GIMAP7: variants seen among roughly 807,000 people sequenced by gnomAD.
GIMAP7 encodes GTPase, IMAP family member 7.
For synonymous variants in GIMAP7, 137 were observed against 129.3 expected (o/e 1.06, Z -0.40); for missense variants, 323 against 359.7 (o/e 0.90, Z 0.83).
In GIMAP7 at chr7:150,520,536, C is replaced by G; in HGVS notation, c.562C>G (p.Leu188Val). ...AAGTCAAGTGCAGGAGTTGGTGGAG[C>G]TGATAGAGAAAATGGTGCAGTGCAA... is the stretch of plus-strand genomic sequence containing the variant. ...KESQVQELVE[L>V]IEKMVQCNEG... The change falls in exon 2 of 2, where the codon CTG (leucine) becomes GTG (valine). Residue 188 changes from leucine (L) to valine (V), a missense_variant. Transcript: ENST00000313543. 6.2e-7 allele frequency: 1 copy of G among 1,614,078 alleles called. No individual in the cohort carries two copies. The highest frequency in any genetic ancestry group is 8.5e-7 in the Non-Finnish European group (1 of 1,180,016).
At chr7:150,516,915 C>T (rs530263617) in intron 1 of GIMAP7, among the ~76,000 whole-genome samples, 2 of 152,138 alleles carry the variant, frequency 1.3e-5, no homozygotes, top group Non-Finnish European at 2.9e-5. Flanking sequence ...TTAGAAGGCA[C>T]ATATGTTTGA....
chr7:150,518,663 A>C (rs117147620), intron 1 of GIMAP7, among the ~76,000 whole-genome samples: 1 of 152,182 alleles, frequency 6.6e-6, no homozygotes, highest in Non-Finnish European at 1.5e-5. Flanking sequence ...TAATTTGCCT[A>C]TGGTGTTGTA....
rs780968705 is a variant in GIMAP7, at chr7:150,520,583, T to C, written c.609T>C (p.Asp203=). The C allele has an allele frequency of 1.2e-6, 2 of 1,613,968 alleles. No homozygotes were observed. Among genetic ancestry groups the C allele is most frequent in the South Asian group, 1.1e-5 (1 of 91,086 alleles). The change falls in exon 2 of 2, where the codon GAT becomes GAC. Residue 203 remains aspartate (D), a synonymous_variant. Transcript: ENST00000313543. ...GCAACGAAGGGGCTTACTTTTCTGA[T>C]GACATATACAAGGACACAGAGGAAA... ...VQCNEGAYFS[D]DIYKDTEERL... is the part of the protein sequence containing the mutation.
At chr7:150,518,224 A>T (rs1322491526) in intron 1 of GIMAP7, among the ~76,000 whole-genome samples, 1 of 152,148 alleles carries the variant, frequency 6.6e-6, no homozygotes, top group Non-Finnish European at 1.5e-5. Context: ...TGATAATCAA[A>T]GAGTAAATGC....
chr7:150,518,028 T>G (rs187595493), intron 1 of GIMAP7, among the ~76,000 whole-genome samples: 318 of 152,260 alleles, frequency 2.1e-3, no homozygotes, highest in Admixed American at 4.1e-3. Flanking sequence ...TTTTTTTCAC[T>G]TAGCAGTATA....
Position 150,519,922 on chromosome 7 carries a change from C to A in GIMAP7, c.-41-12C>A. 1.3e-6 allele frequency: 2 copies of A among 1,529,404 alleles called. No individual in the cohort carries two copies. The highest frequency in any genetic ancestry group is 1.2e-5 in the South Asian group (1 of 81,542). 94.7% of individuals were successfully genotyped at this position (1,529,404 alleles called of 1,614,324 possible). On this transcript the variant is annotated splice_polypyrimidine_tract_variant and intron_variant, in intron 1 of 1. Transcript: ENST00000313543. ...AAACTGGCTTTTTTTCCCCTATCTTCCCCTCCTTAAGGTCTTGTACGTGCC... is the reference window on the plus strand; with the variant it reads ...AAACTGGCTTTTTTTCCCCTATCTTACCCTCCTTAAGGTCTTGTACGTGCC...
chr7:150,520,756 TAAA>T lies in GIMAP7; in HGVS notation c.786_788del (p.Lys262del). ...CTAAAATTAAAATATGATGAAAAAA[TAAA>T]AAATATAAGGGAAGAAGCTGAGAGA... On this transcript the variant is annotated inframe_deletion, in exon 2 of 2. Coordinates refer to ENST00000313543, the MANE Select transcript of GIMAP7 (RefSeq NM_153236.4). 6.7e-7 allele frequency: 1 copy of T among 1,500,968 alleles called. No individual in the cohort carries two copies. Among genetic ancestry groups the T allele is most frequent in the Admixed American group, 1.9e-5 (1 of 52,050 alleles). 93.0% of individuals were successfully genotyped at this position (1,500,968 alleles called of 1,614,324 possible).
rs1399545132 is a variant in GIMAP7 at position 150,520,052 on chromosome 7, C to T, written c.78C>T (p.Asn26=). ...KTGSGKSATA[N]TILGEEIFDS... Reference sequence around the variant, plus strand: ...GAAGTGGGAAAAGTGCAACAGCGAACACCATCCTTGGAGAGGAAATCTTTG... The same window carrying T: ...GAAGTGGGAAAAGTGCAACAGCGAATACCATCCTTGGAGAGGAAATCTTTG... The change falls in exon 2 of 2, where the codon AAC becomes AAT. Residue 26 remains asparagine, a synonymous_variant. Transcript: ENST00000313543. 6.2e-7 allele frequency: 1 copy of T among 1,614,148 alleles called. No individual in the cohort carries two copies. The highest frequency in any genetic ancestry group is 8.5e-7 in the Non-Finnish European group (1 of 1,180,002).
chr7:150,520,024 C>G lies in GIMAP7; in HGVS notation c.50C>G (p.Thr17Ser), dbSNP rs142322540. The change falls in exon 2 of 2, where the codon ACT becomes AGT. Residue 17 changes from threonine to serine, a missense_variant. Coordinates refer to ENST00000313543, the MANE Select transcript of GIMAP7 (RefSeq NM_153236.4). ...RSLRIVLVGK[T>S]GSGKSATANT... is the part of the protein sequence containing the mutation. ...CTGAGGATCGTTCTGGTAGGGAAAA[C>G]TGGAAGTGGGAAAAGTGCAACAGCG... 1.5e-5 allele frequency: 25 copies of G among 1,613,946 alleles called. No individual in the cohort carries two copies. The African/African-American group carries it at 2.9e-4, about 19-fold the overall frequency.
intron 1 of GIMAP7, among the ~76,000 whole-genome samples, chr7:150,516,129 A>G (rs1297748839): frequency 6.6e-6 from 1 of 152,222 alleles, no homozygotes; most frequent in African/African-American, 2.4e-5. Flanking sequence ...TCATTTAAAA[A>G]ATTAGAATAA....
chr7:150,519,472 T>C (rs1263316615), intron 1 of GIMAP7, among the ~76,000 whole-genome samples: 1 of 152,156 alleles, frequency 6.6e-6, no homozygotes, highest in Non-Finnish European at 1.5e-5. Flanking sequence ...TCACACTTAA[T>C]CACAGTCTAT....
At position 150,520,067 on chromosome 7, in the gene GIMAP7, G is replaced by A. The variant is rs755269572; in HGVS notation, c.93G>A (p.Glu31=). Residue 31 remains glutamate (E), a synonymous_variant, in exon 2 of 2, where the codon GAG becomes GAA. Coordinates refer to ENST00000313543, the MANE Select transcript of GIMAP7 (RefSeq NM_153236.4). ...KSATANTILG[E]EIFDSRIAAQ... is the part of the protein sequence containing the mutation. ...CAACAGCGAACACCATCCTTGGAGA[G>A]GAAATCTTTGATTCTAGAATTGCTG... 28 of 1,613,992 alleles carry A rather than the reference G, an allele frequency of 1.7e-5. No homozygotes were observed. Among genetic ancestry groups the A allele is most frequent in the Non-Finnish European group, 1.4e-5 (17 of 1,180,038 alleles).
chr7:150,517,583 TACACACACACACACATAC>T, intron 1 of GIMAP7, among the ~76,000 whole-genome samples: 1 of 149,716 alleles, frequency 6.7e-6, no homozygotes, highest in South Asian at 2.1e-4. Flanking sequence ...TTCAAAACAG[TACACACACACACACATAC>T]ACACACACAC....
intron 1 of GIMAP7, among the ~76,000 whole-genome samples, chr7:150,517,438 C>T (rs1455774718): frequency 6.6e-6 from 1 of 152,074 alleles, no homozygotes; most frequent in Non-Finnish European, 1.5e-5. Context: ...GTTTACTGGC[C>T]CAGACCTGGA....
At chr7:150,519,745 C>G (rs1224025728) in intron 1 of GIMAP7, among the ~76,000 whole-genome samples, 189 bp from the exon 2 acceptor site, 1 of 152,156 alleles carries the variant, frequency 6.6e-6, no homozygotes, top group Admixed American at 6.5e-5. Context: ...TGTGGGGAAA[C>G]TCTTTAACTG....
chr7:150,515,669 T>C (rs1030266322), intron 1 of GIMAP7, among the ~76,000 whole-genome samples: 1 of 152,194 alleles, frequency 6.6e-6, no homozygotes, highest in African/African-American at 2.4e-5. Flanking sequence ...GTAAATGCTT[T>C]TGTCATTTCT....
rs141641243 is a variant in GIMAP7 at position 150,520,369 on chromosome 7, C to G, written c.395C>G (p.Thr132Ser). The G allele has an allele frequency of 5.0e-6, 8 of 1,614,210 alleles. No homozygotes were observed. In the African/African-American group the frequency reaches 9.3e-5, roughly 19 times the overall value. ...SAMKHMVILF[T>S]RKEELEGQSF... is the part of the protein sequence containing the mutation. ...ATGAAGCACATGGTCATCTTGTTCA[C>G]TCGCAAAGAAGAGTTGGAGGGCCAG... The change falls in exon 2 of 2, where the codon ACT (threonine) becomes AGT (serine). Residue 132 changes from threonine to serine, a missense_variant. Coordinates refer to ENST00000313543, the MANE Select transcript of GIMAP7 (RefSeq NM_153236.4).
Position 150,520,213 on chromosome 7 carries a change from A to G in GIMAP7, c.239A>G (p.Glu80Gly). The G allele has an allele frequency of 6.2e-7, 1 of 1,614,134 alleles. No homozygotes were observed. The highest frequency in any genetic ancestry group is 8.5e-7 in the Non-Finnish European group (1 of 1,180,004). The part of the protein sequence containing the change: ...TKESLDTTCK[E>G]ISRCIISSCP... Reference sequence around the variant, plus strand: ...GAGAGCCTGGACACCACCTGCAAGGAAATCAGCCGCTGCATCATCTCCTCC... The same window carrying G: ...GAGAGCCTGGACACCACCTGCAAGGGAATCAGCCGCTGCATCATCTCCTCC... Residue 80 changes from glutamate (E) to glycine (G), a missense_variant, in exon 2 of 2, where the codon GAA becomes GGA. Transcript: ENST00000313543.
intron 1 of GIMAP7, among the ~76,000 whole-genome samples, chr7:150,515,541 C>T (rs997092080): frequency 4.6e-5 from 7 of 152,164 alleles, no homozygotes; most frequent in African/African-American, 1.7e-4. Context: ...CTAAGGACAA[C>T]CCTGCAAGAT....
Sources: gnomAD v4.1 joint callset for allele counts (sites outside exome capture counted in the v4.1 genomes callset) on GRCh38, gnomAD v4.1.1 for gene constraint, MANE v1.5 for transcripts, NCBI Gene and HGNC (gene_info 2026-07-23, HGNC 2026-07-21) for gene names.